The following DCC variants were observed in gnomAD, a reference collection of about 807,000 sequenced individuals.
DCC encodes DCC netrin 1 receptor.
In DCC, 58 loss-of-function variants were observed where a neutral mutation model predicts 172.5. The observed-to-expected ratio is 0.34, with a 90% CI of 0.27 to 0.42. The LOEUF (loss-of-function observed/expected upper bound fraction) is 0.42, where lower values mean the gene tolerates loss of function less well. Ranked by LOEUF, DCC falls within the 10% of genes least tolerant of loss-of-function variation. The pLI, the probability that DCC is intolerant of heterozygous loss-of-function variation, is 1.00. For missense variants in DCC, 1,740 were observed against 1,791.0 expected (o/e 0.97, Z 0.51); for synonymous variants, 709 against 644.5 (o/e 1.10, Z -1.52).
At chr18:52,891,254 C>G (rs2039646359) in intron 2 of DCC, among the ~76,000 whole-genome samples, 1 of 151,998 alleles carries the variant, frequency 6.6e-6, no homozygotes, top group Non-Finnish European at 1.5e-5. Flanking sequence ...CTGGTGAACT[C>G]TGCATTTTCT....
Position 53,198,373 on chromosome 18 carries a change from T to TA in DCC, c.1574-6837dup, listed in dbSNP as rs201806143. Among the ~76,000 whole-genome samples, 986 of 152,062 alleles carry TA rather than the reference T, an allele frequency of 6.5e-3. 5 individuals are homozygous for TA. The highest frequency in any genetic ancestry group is 0.027 in the Middle Eastern group (8 of 294). Reference sequence around the variant, plus strand: ...GTTTCTATCATAGGTAGAGTAGGGATAAAAAACCACACATCCTGTCATCTA... The same window carrying TA: ...GTTTCTATCATAGGTAGAGTAGGGATAAAAAAACCACACATCCTGTCATCTA... On this transcript the variant is annotated intron_variant, in intron 9 of 28. Transcript: ENST00000442544.
At chr18:52,794,749 T>C (rs967912347) in intron 2 of DCC, among the ~76,000 whole-genome samples, 2 of 152,136 alleles carry the variant, frequency 1.3e-5, no homozygotes, top group African/African-American at 4.8e-5. Context: ...TTCCATTAAG[T>C]ACGATGTTAG....
At chr18:52,543,330 A>C (rs965849746) in intron 1 of DCC, among the ~76,000 whole-genome samples, 1 of 152,060 alleles carries the variant, frequency 6.6e-6, no homozygotes, top group Non-Finnish European at 1.5e-5. Context: ...AAGTTTTTAC[A>C]TTTTTTTCTA....
chr18:52,891,810 C>T (rs1164176299), intron 2 of DCC, among the ~76,000 whole-genome samples: 1 of 152,054 alleles, frequency 6.6e-6, no homozygotes, highest in Non-Finnish European at 1.5e-5. Flanking sequence ...CCCACTATTA[C>T]CTTACTTGTC....
chr18:53,119,764 T>G (rs1252006579), intron 7 of DCC, among the ~76,000 whole-genome samples: 1 of 151,926 alleles, frequency 6.6e-6, no homozygotes, highest in Middle Eastern at 3.4e-3. Context: ...TAGGCACTAA[T>G]TGAACAGTAA....
At chr18:52,556,972 T>C (rs1020842209) in intron 1 of DCC, among the ~76,000 whole-genome samples, 1 of 152,182 alleles carries the variant, frequency 6.6e-6, no homozygotes, top group Non-Finnish European at 1.5e-5. Context: ...AGTGTATTTG[T>C]TAAAATAGGA....
chr18:52,919,584 G>A (rs893644609), intron 3 of DCC, among the ~76,000 whole-genome samples: 5 of 151,606 alleles, frequency 3.3e-5, no homozygotes, highest in South Asian at 2.1e-4. Context: ...GTCAAGATTG[G>A]AGTAATCTGG....
chr18:53,174,831 C>T (rs1344037750), intron 8 of DCC, among the ~76,000 whole-genome samples: 41 of 149,834 alleles, frequency 2.7e-4, no homozygotes, highest in Middle Eastern at 7.0e-3. Context: ...TTTTACGAGG[C>T]CAGCATCATT....
At chr18:53,327,521 G>T (rs557079609) in intron 14 of DCC, among the ~76,000 whole-genome samples, 3 of 152,208 alleles carry the variant, frequency 2.0e-5, no homozygotes, top group African/African-American at 7.2e-5. Flanking sequence ...ATTTAAAATC[G>T]ACTCTCTACC....
chr18:52,974,556 G>A (rs2041084332), intron 5 of DCC, among the ~76,000 whole-genome samples: 1 of 152,166 alleles, frequency 6.6e-6, no homozygotes, highest in Non-Finnish European at 1.5e-5. Flanking sequence ...TATTTTGCTT[G>A]AAAAGCCACA....
chr18:53,221,013 G>A (rs989279755), intron 12 of DCC, among the ~76,000 whole-genome samples: 1 of 152,092 alleles, frequency 6.6e-6, no homozygotes, highest in Non-Finnish European at 1.5e-5. Flanking sequence ...GTAAGAATCT[G>A]TGAGACTCCC....
intron 1 of DCC, among the ~76,000 whole-genome samples, chr18:52,543,037 G>A (rs2032505666): frequency 6.6e-6 from 1 of 152,232 alleles, no homozygotes; most frequent in Admixed American, 6.5e-5. Flanking sequence ...CTCAGTATGA[G>A]AAGTAGTAGT....
intron 2 of DCC, among the ~76,000 whole-genome samples, chr18:52,809,744 T>G (rs866228839): frequency 6.6e-6 from 1 of 151,878 alleles, no homozygotes; most frequent in Non-Finnish European, 1.5e-5. Context: ...TTTCATAGAG[T>G]GAAAACACAG....
At chr18:52,355,003 G>C (rs150165434) in intron 1 of DCC, among the ~76,000 whole-genome samples, 2 of 152,214 alleles carry the variant, frequency 1.3e-5, no homozygotes, top group East Asian at 3.9e-4. Flanking sequence ...GCCCCGTTAC[G>C]AATGCATATA....
intron 2 of DCC, among the ~76,000 whole-genome samples, chr18:52,783,973 G>A (rs1004716650): frequency 1.5e-4 from 23 of 151,978 alleles, no homozygotes; most frequent in Admixed American, 9.2e-4. Context: ...TAACTTTAAT[G>A]TAGTCTCATG....
chr18:52,678,946 C>T (rs1967010436), intron 1 of DCC, among the ~76,000 whole-genome samples: 1 of 151,926 alleles, frequency 6.6e-6, no homozygotes, highest in African/African-American at 2.4e-5. Flanking sequence ...CGATAGTAAC[C>T]TCCTCACTTC....
At chr18:53,391,351 C>A (rs907316203) in intron 16 of DCC, among the ~76,000 whole-genome samples, 1 of 151,924 alleles carries the variant, frequency 6.6e-6, no homozygotes, top group Non-Finnish European at 1.5e-5. Flanking sequence ...AAGCAATGTG[C>A]AACATTTAAA....
intron 2 of DCC, among the ~76,000 whole-genome samples, chr18:52,837,113 A>C (rs926741412): frequency 3.3e-5 from 5 of 152,280 alleles, no homozygotes; most frequent in South Asian, 4.1e-4. Flanking sequence ...GAAACAGGGC[A>C]CCAAGTCCCT....
At position 52,780,915 on chromosome 18, in the gene DCC, A is replaced by G. The variant is rs115038651; in HGVS notation, c.412+28541A>G. Among the ~76,000 whole-genome samples, 1,116 of 152,286 alleles carry G rather than the reference A, an allele frequency of 7.3e-3. 14 individuals are homozygous for G. Among genetic ancestry groups the G allele is most frequent in the African/African-American group, 0.025 (1,056 of 41,558 alleles). ...TAGGTGGTGAAAAGATTGGGATTGTAAGAGTGGAAAGATATGATTTCTTTC... is the reference window on the plus strand; with the variant it reads ...TAGGTGGTGAAAAGATTGGGATTGTGAGAGTGGAAAGATATGATTTCTTTC... On this transcript the variant is annotated intron_variant, in intron 2 of 28. Transcript: ENST00000442544.
Sources: allele counts gnomAD v4.1 joint callset (sites outside exome capture counted in the v4.1 genomes callset), GRCh38; gene constraint gnomAD v4.1.1; transcripts MANE v1.5; gene names NCBI Gene and HGNC (gene_info 2026-07-23, HGNC 2026-07-21).